Variants in PDE1C observed in about 807,000 individuals in gnomAD.
PDE1C encodes dual specificity calcium/calmodulin-dependent 3',5'-cyclic nucleotide phosphodiesterase 1C.
Under a neutral mutation model 93.1 loss-of-function variants are expected in PDE1C, and 62 were observed. The ratio of observed to expected loss-of-function variants is 0.67; its 90% CI spans 0.54 to 0.82. The LOEUF is 0.82. Among genes scored for constraint, PDE1C ranks in the 40% least tolerant of loss-of-function variants. PDE1C has a pLI of 0.00. For missense variants in PDE1C, 742 were observed against 884.6 expected (o/e 0.84, Z 2.04); for synonymous variants, 325 against 310.1 (o/e 1.05, Z -0.50).
rs1268949375 is a variant in PDE1C at position 31,848,115 on chromosome 7, A to C, written c.852-19T>G. On this transcript the variant is annotated intron_variant, in intron 8 of 17. Coordinates refer to ENST00000396191, the MANE Select transcript of PDE1C (RefSeq NM_001191057.4). ...ATCAGACCTGAACAGAAAGCCAAGC[A>C]AAATTCAGAATGTTAAACAGTTGTG... 4.3e-6 allele frequency: 7 copies of C among 1,610,452 alleles called. No individual in the cohort carries two copies. The African/African-American group carries it at 9.3e-5, about 21-fold the overall frequency.
chr7:31,770,514 A>T (rs1478590860), intron 17 of PDE1C, among the ~76,000 whole-genome samples: 1 of 149,894 alleles, frequency 6.7e-6, no homozygotes. Context: ...TTTTTATTTT[A>T]TTTTTTTTCT....
chr7:32,186,163 C>T (rs1460885290), intron 2 of PDE1C, among the ~76,000 whole-genome samples: 4 of 144,098 alleles, frequency 2.8e-5, no homozygotes, highest in Admixed American at 7.4e-5. Flanking sequence ...ACTGCAGTGG[C>T]GCAATCTCGG....
intron 5 of PDE1C, among the ~76,000 whole-genome samples, chr7:31,874,986 G>A (rs959191603): frequency 4.6e-5 from 7 of 152,198 alleles, no homozygotes; most frequent in African/African-American, 1.7e-4. Context: ...GCCAACAGAT[G>A]AAATTGTAAA....
chr7:32,241,170 C>T (rs1808517557), intron 1 of PDE1C, among the ~76,000 whole-genome samples: 1 of 152,154 alleles, frequency 6.6e-6, no homozygotes, highest in Non-Finnish European at 1.5e-5. Context: ...ATACATGAGC[C>T]TGGAGTTCAG....
intron 2 of PDE1C, among the ~76,000 whole-genome samples, chr7:31,956,421 G>A (rs1039440605): frequency 3.3e-5 from 5 of 151,670 alleles, no homozygotes; most frequent in African/African-American, 1.2e-4. Flanking sequence ...CATCCAGGCA[G>A]ACAGTCTGTA....
chr7:32,111,964 TTA>T lies in PDE1C; in HGVS notation c.308+57819_308+57820del, dbSNP rs1798666172. On this transcript the variant is annotated intron_variant, in intron 3 of 18. Transcript: ENST00000396193. ...TTGGTATCTTCACACAAAGTGAGAGTTACTTACAATTCTGCCTTAACTCATTT... is the reference window on the plus strand; with the variant it reads ...TTGGTATCTTCACACAAAGTGAGAGTCTTACAATTCTGCCTTAACTCATTT... Among the ~76,000 whole-genome samples the T allele has an allele frequency of 3.3e-5, 5 of 151,306 alleles. 1 individual carries two copies. The South Asian group carries it at 1.0e-3, about 31-fold the overall frequency.
chr7:32,076,065 A>G (rs535954750), upstream of PDE1C, among the ~76,000 whole-genome samples: 1 of 152,294 alleles, frequency 6.6e-6, no homozygotes, highest in East Asian at 1.9e-4. Context: ...GACCCAAAAA[A>G]GCTGCAGGAA....
At chr7:31,785,813 TGA>T (rs1783866096) in intron 16 of PDE1C, 1 of 152,138 alleles carries the variant, frequency 6.6e-6, no homozygotes, top group Non-Finnish European at 1.5e-5. Flanking sequence ...GTGTCTTTGG[TGA>T]GAGAGAGGAA....
In PDE1C at chr7:31,753,327, G is replaced by C; in HGVS notation, c.*57C>G. The C allele has an allele frequency of 6.4e-7, 1 of 1,569,530 alleles. No homozygotes were observed. Among genetic ancestry groups the C allele is most frequent in the South Asian group, 1.2e-5 (1 of 81,762 alleles). ...GAGGTGTGTCCTGCTGTGGCCAGTG[G>C]GTGCTGAGAAGCAGATAGGTAGACC... On this transcript the variant is annotated 3_prime_UTR_variant, in exon 18 of 18. Transcript: ENST00000396191.
chr7:32,398,596 C>T (rs1784884007), intron 1 of PDE1C, among the ~76,000 whole-genome samples: 1 of 151,878 alleles, frequency 6.6e-6, no homozygotes, highest in Non-Finnish European at 1.5e-5. Flanking sequence ...ACCATATTGG[C>T]CAGGCAGGTC....
chr7:31,637,275 T>C, the PDE1C span, among the ~76,000 whole-genome samples: 2 of 152,164 alleles, frequency 1.3e-5, no homozygotes, highest in African/African-American at 4.8e-5. Flanking sequence ...CTGGGTCAAA[T>C]GGTATTTCTA....
At chr7:31,928,147 C>T (rs1008953028) in intron 2 of PDE1C, among the ~76,000 whole-genome samples, 3 of 151,762 alleles carry the variant, frequency 2.0e-5, no homozygotes, top group Non-Finnish European at 2.9e-5. Context: ...GAAGCATACA[C>T]AATATCAATG....
chr7:31,620,080 T>C, the PDE1C span, among the ~76,000 whole-genome samples: 1 of 152,084 alleles, frequency 6.6e-6, no homozygotes, highest in Non-Finnish European at 1.5e-5. Flanking sequence ...TACCCAGGCT[T>C]GATTAGGTAA....
At chr7:31,877,236 A>T (rs187894781) in intron 5 of PDE1C, among the ~76,000 whole-genome samples, 25 of 152,272 alleles carry the variant, frequency 1.6e-4, no homozygotes, top group African/African-American at 5.8e-4. Flanking sequence ...CAAATCTCAA[A>T]TACCCTCAGA....
intron 9 of PDE1C, 131 bp downstream of exon 9, chr7:31,847,837 G>C: frequency 1.1e-6 from 1 of 945,784 alleles, no homozygotes; most frequent in Non-Finnish European, 1.7e-6. Context: ...GAGAGTGAGA[G>C]AAAGAAAGAG....
At chr7:32,156,132 T>G (rs1309563414) in intron 3 of PDE1C, among the ~76,000 whole-genome samples, 1 of 152,202 alleles carries the variant, frequency 6.6e-6, no homozygotes, top group Non-Finnish European at 1.5e-5. Flanking sequence ...TTATTTTATT[T>G]TTACTTATTT....
chr7:32,236,639 G>A (rs1309398949), intron 1 of PDE1C, among the ~76,000 whole-genome samples: 1 of 152,114 alleles, frequency 6.6e-6, no homozygotes, highest in African/African-American at 2.4e-5. Flanking sequence ...GGATGGCTAA[G>A]ATTAAAAATT....
At chr7:32,389,196 TTTG>T (rs1585138325) in intron 1 of PDE1C, among the ~76,000 whole-genome samples, 4 of 26,188 alleles carry the variant, frequency 1.5e-4, no homozygotes, top group East Asian at 2.9e-3. Flanking sequence ...GTGTGGTTTT[TTTG>T]GTTTTTGTTT....
At chr7:31,747,806 C>A (rs188456910), downstream of PDE1C, among the ~76,000 whole-genome samples, 1 of 137,252 alleles carries the variant, frequency 7.3e-6, no homozygotes, top group East Asian at 2.2e-4. Context: ...GTCACAGGGT[C>A]AGTTGAGTCA....
Sources: gnomAD v4.1 joint callset for allele counts (sites outside exome capture counted in the v4.1 genomes callset) on GRCh38, gnomAD v4.1.1 for gene constraint, MANE v1.5 for transcripts, NCBI Gene and HGNC (gene_info 2026-07-23, HGNC 2026-07-21) for gene names.